GALNT10: variants seen among roughly 807,000 people sequenced by gnomAD.
GALNT10 encodes polypeptide N-acetylgalactosaminyltransferase 10.
GALNT10 carries 41 observed loss-of-function variants against 75.0 expected under a neutral mutation model. That is an observed-to-expected ratio of 0.55 (90% CI 0.43 to 0.71). The LOEUF is 0.71. Among genes scored for constraint, GALNT10 ranks in the 30% least tolerant of loss-of-function variants. The pLI, the probability that GALNT10 is intolerant of heterozygous loss-of-function variation, is 0.00. For missense variants in GALNT10, 727 were observed against 818.5 expected (o/e 0.89, Z 1.36); for synonymous variants, 302 against 313.0 (o/e 0.96, Z 0.37).
At chr5:154,195,380 C>T (rs1221818327) in intron 1 of GALNT10, among the ~76,000 whole-genome samples, 2 of 152,168 alleles carry the variant, frequency 1.3e-5, no homozygotes, top group East Asian at 3.8e-4. Context: ...TCCAGAGAAC[C>T]TTTCTCCTCA....
At chr5:154,297,690 T>C (rs1172634751) in intron 2 of GALNT10, among the ~76,000 whole-genome samples, 1 of 152,192 alleles carries the variant, frequency 6.6e-6, no homozygotes, top group Non-Finnish European at 1.5e-5. Flanking sequence ...CAGATTATCA[T>C]TCTGTGGAAT....
intron 1 of GALNT10, among the ~76,000 whole-genome samples, 180 bp downstream of exon 1, chr5:154,191,205 G>A (rs919202392): frequency 6.6e-6 from 1 of 152,064 alleles, no homozygotes; most frequent in African/African-American, 2.4e-5. Flanking sequence ...AGGGTCCCAC[G>A]CCAGTCAGAG....
chr5:154,380,571 A>G lies in GALNT10; in HGVS notation c.878A>G (p.Tyr293Cys), dbSNP rs761445838. The G allele has an allele frequency of 6.2e-7, 1 of 1,613,952 alleles. No homozygotes were observed. Among genetic ancestry groups the G allele is most frequent in the Admixed American group, 1.7e-5 (1 of 60,016 alleles). Residue 293 changes from tyrosine to cysteine, a missense_variant, in exon 6 of 12, where the codon TAC becomes TGC. Tyr to Cys is a radical substitution (Grantham distance 194). Transcript: ENST00000297107. ...CGGGGAGCCTTTGACTGGGAGATGT[A>G]CTACAAGCGGATCCCGATCCCTCCA... ...AMRGAFDWEM[Y>C]YKRIPIPPEL...
chr5:154,346,358 A>G (rs556049096), intron 4 of GALNT10, among the ~76,000 whole-genome samples: 16 of 152,176 alleles, frequency 1.1e-4, no homozygotes, highest in African/African-American at 3.9e-4. Context: ...TCTGTTTTTA[A>G]CGTTTTGAGG....
intron 4 of GALNT10, among the ~76,000 whole-genome samples, chr5:154,339,024 CACCTCCACA>C (rs981290038): frequency 1.3e-5 from 2 of 152,212 alleles, no homozygotes; most frequent in Non-Finnish European, 2.9e-5. Flanking sequence ...TGTCTGGCCT[CACCTCCACA>C]ACCTCCCTTA....
At chr5:154,375,041 T>A (rs1421780489) in intron 4 of GALNT10, among the ~76,000 whole-genome samples, 2 of 152,166 alleles carry the variant, frequency 1.3e-5, no homozygotes, top group Admixed American at 1.3e-4. Flanking sequence ...ACTAAGTAAA[T>A]TGTAGTAAAG....
intron 1 of GALNT10, among the ~76,000 whole-genome samples, chr5:154,204,671 G>A (rs1775080227): frequency 6.6e-6 from 1 of 152,138 alleles, no homozygotes; most frequent in African/African-American, 2.4e-5. Context: ...CAAGATTATA[G>A]AAGGACTGGT....
At chr5:154,405,875 TG>T (rs1035572317) in intron 8 of GALNT10, among the ~76,000 whole-genome samples, 16 of 87,546 alleles carry the variant, frequency 1.8e-4, no homozygotes, top group African/African-American at 4.5e-4. Context: ...TTGTTGCTGT[TG>T]TTTTTTTTTT....
chr5:154,383,046 G>C (rs1340751598), intron 6 of GALNT10, among the ~76,000 whole-genome samples: 2 of 152,214 alleles, frequency 1.3e-5, no homozygotes, highest in Non-Finnish European at 1.5e-5. Context: ...GTGGGATGCA[G>C]GTATCATCAT....
At chr5:154,309,245 C>A (rs185801541) in intron 3 of GALNT10, among the ~76,000 whole-genome samples, 135 of 152,064 alleles carry the variant, frequency 8.9e-4, no homozygotes, top group African/African-American at 3.1e-3. Context: ...GACCACTGTG[C>A]CTGGCTTGTG....
chr5:154,343,614 A>G (rs534510571), intron 4 of GALNT10, among the ~76,000 whole-genome samples: 61 of 152,328 alleles, frequency 4.0e-4, no homozygotes, highest in Admixed American at 1.3e-3. Context: ...GAAATGTCCA[A>G]TAAAAAATAT....
intron 2 of GALNT10, among the ~76,000 whole-genome samples, chr5:154,295,973 A>G: frequency 6.6e-6 from 1 of 152,234 alleles, no homozygotes; most frequent in East Asian, 1.9e-4. Context: ...AAACCAGCTT[A>G]CCACAAGGCT....
intron 4 of GALNT10, among the ~76,000 whole-genome samples, chr5:154,360,259 G>A (rs1755362941): frequency 2.0e-5 from 3 of 152,082 alleles, no homozygotes; most frequent in Admixed American, 2.0e-4. Context: ...AAACCAGCCT[G>A]GCCAACATGG....
In GALNT10 at chr5:154,383,792, G is replaced by C. The variant is rs552931805; in HGVS notation, c.939-2521G>C. Among the ~76,000 whole-genome samples, 4 of 152,288 alleles carry C rather than the reference G, an allele frequency of 2.6e-5. No homozygotes were observed. In the South Asian group the frequency reaches 8.3e-4, roughly 32 times the overall value. On this transcript the variant is annotated intron_variant, in intron 6 of 11. Coordinates refer to ENST00000297107, the MANE Select transcript of GALNT10 (RefSeq NM_198321.4). ...CCCTCAATCTCCAGAAGACAAAGGG[G>C]AGCCAATACTAATAACACCTTATTT...
Position 154,409,299 on chromosome 5 carries a change from G to T in GALNT10, c.1165-242G>T. On this transcript the variant is annotated intron_variant, in intron 8 of 11. Coordinates refer to ENST00000297107, the MANE Select transcript of GALNT10 (RefSeq NM_198321.4). This position sits in a 1 kb window ranked among gnomAD's most constrained non-coding sequence, Gnocchi z 4.5. ...TGGGGGCTATCGCTAGAAGAAGATG[G>T]GATGGAAGATGGGCAGGCAAAACAA... 2 of 557,238 alleles carry T rather than the reference G, an allele frequency of 3.6e-6. No homozygotes were observed. The highest frequency in any genetic ancestry group is 6.4e-6 in the Non-Finnish European group (2 of 310,490). 34.5% of individuals were successfully genotyped at this position (557,238 alleles called of 1,614,324 possible).
At chr5:154,235,040 A>T (rs10065194) in intron 1 of GALNT10, among the ~76,000 whole-genome samples, 2,298 of 152,310 alleles carry the variant, frequency 0.015, 47 homozygotes, top group African/African-American at 0.053. Context: ...TGAGGGAAAT[A>T]GTCTAGTACA....
chr5:154,412,828 G>T lies in GALNT10; in HGVS notation c.1387-61G>T. ...ACTTGGTTTCCCCTTTCACCTGGCA[G>T]GGACCCGGTGGGCACCTTAAGGCAC... On this transcript the variant is annotated intron_variant, in intron 9 of 11. Transcript: ENST00000297107. The surrounding 1 kb of genome is among the most constrained non-coding windows in gnomAD (Gnocchi z 4.2). 8.9e-7 allele frequency: 1 copy of T among 1,123,168 alleles called. No individual in the cohort carries two copies. The highest frequency in any genetic ancestry group is 1.2e-5 in the South Asian group (1 of 80,818). 69.6% of individuals were successfully genotyped at this position (1,123,168 alleles called of 1,614,324 possible).
intron 1 of GALNT10, among the ~76,000 whole-genome samples, chr5:154,254,945 G>A (rs1753584280): frequency 6.6e-6 from 1 of 152,050 alleles, no homozygotes. Context: ...CTTCAGAGAT[G>A]TAAGATTCCT....
At chr5:154,411,647 C>T (rs1192072380) in intron 9 of GALNT10, among the ~76,000 whole-genome samples, 1 of 152,190 alleles carries the variant, frequency 6.6e-6, no homozygotes, top group Non-Finnish European at 1.5e-5. Context: ...AGCTGCCTGG[C>T]TAGCCTACCC....
Sources: allele counts gnomAD v4.1 joint callset (sites outside exome capture counted in the v4.1 genomes callset), GRCh38; gene constraint gnomAD v4.1.1; non-coding constraint Gnocchi (gnomAD v3.1); transcripts MANE v1.5; gene names NCBI Gene and HGNC (gene_info 2026-07-23, HGNC 2026-07-21).